Variants in DIAPH3 observed in about 807,000 individuals in gnomAD.
DIAPH3 encodes the protein diaphanous related formin 3.
In DIAPH3, 117 loss-of-function variants were observed where a neutral mutation model predicts 144.3. That is an observed-to-expected ratio of 0.81 (90% CI 0.70 to 0.95). The LOEUF is 0.95. Among genes scored for constraint, DIAPH3 ranks in the 40% least tolerant of loss-of-function variants. The pLI is 0.00. For missense variants in DIAPH3, 1,421 were observed against 1,412.7 expected (o/e 1.01, Z -0.09); for synonymous variants, 519 against 488.9 (o/e 1.06, Z -0.81).
intron 3 of DIAPH3, among the ~76,000 whole-genome samples, chr13:60,100,237 C>T (rs1010670792): frequency 6.6e-6 from 1 of 152,054 alleles, no homozygotes. Flanking sequence ...ATATTTCAAA[C>T]CTCCAGCTAT....
At chr13:59,688,515 C>T (rs2033332891) in intron 27 of DIAPH3, among the ~76,000 whole-genome samples, 1 of 151,872 alleles carries the variant, frequency 6.6e-6, no homozygotes, top group Non-Finnish European at 1.5e-5. Flanking sequence ...GCATAAGACA[C>T]AGAGCTAGGA....
intron 27 of DIAPH3, among the ~76,000 whole-genome samples, chr13:59,701,655 C>G (rs2034120372): frequency 6.6e-6 from 1 of 152,200 alleles, no homozygotes; most frequent in African/African-American, 2.4e-5. Flanking sequence ...GGGTTATGAG[C>G]TTTCTTTCCT....
intron 23 of DIAPH3, among the ~76,000 whole-genome samples, chr13:59,833,580 T>C (rs1198256840): frequency 6.6e-6 from 1 of 151,828 alleles, no homozygotes; most frequent in African/African-American, 2.4e-5. Context: ...TCATACAATA[T>C]GATTTAAAAT....
intron 17 of DIAPH3, among the ~76,000 whole-genome samples, chr13:59,952,458 TTTGCTATTAA>T: frequency 6.6e-6 from 1 of 152,306 alleles, no homozygotes; most frequent in Admixed American, 6.5e-5. Flanking sequence ...TTAGAGTATG[TTTGCTATTAA>T]TTGCTCCTGG....
chr13:60,142,190 A>G (rs538389081), intron 1 of DIAPH3, among the ~76,000 whole-genome samples: 4 of 152,358 alleles, frequency 2.6e-5, no homozygotes, highest in Non-Finnish European at 5.9e-5. Context: ...CAACTTACAC[A>G]GTAAATAATA....
intron 17 of DIAPH3, among the ~76,000 whole-genome samples, chr13:59,949,179 G>A (rs938824784): frequency 3.9e-5 from 6 of 152,172 alleles, no homozygotes; most frequent in African/African-American, 1.2e-4. Flanking sequence ...TGGCTGCTGC[G>A]AATCTCCTAT....
chr13:60,115,783 C>CT (rs1270666867), intron 2 of DIAPH3, among the ~76,000 whole-genome samples: 1 of 151,808 alleles, frequency 6.6e-6, no homozygotes, highest in African/African-American at 2.4e-5. Context: ...TTCGAGATTT[C>CT]TAACCAGTTT....
intron 13 of DIAPH3, 105 bp from the exon 14 acceptor site, chr13:59,980,964 A>G: frequency 2.3e-6 from 2 of 867,754 alleles, no homozygotes; most frequent in Non-Finnish European, 3.7e-6. Context: ...TTAAATACTG[A>G]TACTACCAGT....
At chr13:59,693,926 C>T (rs2033664684) in intron 27 of DIAPH3, among the ~76,000 whole-genome samples, 1 of 152,074 alleles carries the variant, frequency 6.6e-6, no homozygotes, top group Non-Finnish European at 1.5e-5. Flanking sequence ...ATACAACCTT[C>T]TAAATTCAAC....
At chr13:60,059,796 A>T (rs1566724379) in intron 4 of DIAPH3, among the ~76,000 whole-genome samples, 1 of 152,086 alleles carries the variant, frequency 6.6e-6, no homozygotes, top group Non-Finnish European at 1.5e-5. Flanking sequence ...CTGAACGGAT[A>T]GAAAAAATCC....
At chr13:59,824,426 C>G (rs906735985) in intron 24 of DIAPH3, among the ~76,000 whole-genome samples, 4 of 152,086 alleles carry the variant, frequency 2.6e-5, no homozygotes, top group African/African-American at 7.2e-5. Context: ...TGCTCTGATG[C>G]CAGAACTTGC....
intron 27 of DIAPH3, among the ~76,000 whole-genome samples, chr13:59,755,480 G>T (rs1184975545): frequency 6.6e-6 from 1 of 151,926 alleles, no homozygotes; most frequent in Non-Finnish European, 1.5e-5. Flanking sequence ...TCAAAAACAG[G>T]ATGAAGTTCA....
intron 1 of DIAPH3, among the ~76,000 whole-genome samples, chr13:60,154,951 C>G (rs2138430923): frequency 1.3e-5 from 2 of 152,208 alleles, no homozygotes; most frequent in Non-Finnish European, 2.9e-5. Flanking sequence ...TATTCTGCAG[C>G]ATAAACAAGT....
intron 12 of DIAPH3, among the ~76,000 whole-genome samples, chr13:59,990,168 G>C (rs2051718863): frequency 6.6e-6 from 1 of 151,620 alleles, no homozygotes; most frequent in Non-Finnish European, 1.5e-5. Flanking sequence ...TCATATTTTA[G>C]AATATCAGTG....
intron 9 of DIAPH3, among the ~76,000 whole-genome samples, chr13:59,999,478 G>T (rs1208131318): frequency 6.6e-6 from 1 of 151,960 alleles, no homozygotes; most frequent in Non-Finnish European, 1.5e-5. Context: ...CTTTGCAGCA[G>T]CCATAACAAT....
intron 18 of DIAPH3, among the ~76,000 whole-genome samples, chr13:59,921,203 C>A (rs1314766926): frequency 6.9e-6 from 1 of 145,566 alleles, no homozygotes; most frequent in African/African-American, 2.5e-5. Context: ...CAAACTCAAC[C>A]CAAAATTAGT....
At chr13:59,748,275 C>T (rs758581822) in intron 27 of DIAPH3, among the ~76,000 whole-genome samples, 10 of 152,172 alleles carry the variant, frequency 6.6e-5, no homozygotes, top group Non-Finnish European at 1.5e-4. Context: ...GGCAGAGTGA[C>T]GGCGGAATAT....
chr13:60,062,683 G>A (rs2056819003), intron 4 of DIAPH3, among the ~76,000 whole-genome samples: 1 of 152,108 alleles, frequency 6.6e-6, no homozygotes, highest in Non-Finnish European at 1.5e-5. Context: ...TACAGACCAT[G>A]ATAATAAAGC....
chr13:60,014,579 A>T (rs2053501088), intron 7 of DIAPH3, among the ~76,000 whole-genome samples: 1 of 152,162 alleles, frequency 6.6e-6, no homozygotes, highest in African/African-American at 2.4e-5. Flanking sequence ...TTGCTAATAC[A>T]TGTAGTAAAA....
Sources: allele counts gnomAD v4.1 joint callset (sites outside exome capture counted in the v4.1 genomes callset), GRCh38; gene constraint gnomAD v4.1.1; transcripts MANE v1.5; gene names NCBI Gene and HGNC (gene_info 2026-07-23, HGNC 2026-07-21).